The following PPP1R13L variants were observed in gnomAD, a reference collection of about 807,000 sequenced individuals.
PPP1R13L encodes the protein relA-associated inhibitor.
PPP1R13L carries 50 observed loss-of-function variants against 80.9 expected under a neutral mutation model. That is an observed-to-expected ratio of 0.62 (90% CI 0.49 to 0.78). The LOEUF is 0.78. Among genes scored for constraint, PPP1R13L ranks in the 30% least tolerant of loss-of-function variants. The probability of loss-of-function intolerance (pLI) is 0.00; values close to 1 mark genes in which losing one functional copy is unlikely to be tolerated. For synonymous variants in PPP1R13L, 602 were observed against 534.3 expected (o/e 1.13, Z -1.75); for missense variants, 1,200 against 1,205.9 (o/e 1.00, Z 0.07).
intron 8 of PPP1R13L, among the ~76,000 whole-genome samples, chr19:45,390,706 C>G (rs34874742): frequency 0.015 from 2,284 of 152,176 alleles, 61 homozygotes; most frequent in African/African-American, 0.052. Context: ...GTCTGTGGCT[C>G]GTCCTGCTAC....
In PPP1R13L at chr19:45,398,028, G is replaced by T; in HGVS notation, c.175C>A (p.Pro59Thr). 6.2e-7 allele frequency: 1 copy of T among 1,613,488 alleles called. No individual in the cohort carries two copies. Among genetic ancestry groups the T allele is most frequent in the Non-Finnish European group, 8.5e-7 (1 of 1,179,528 alleles). Reference protein sequence around the residue: ...LWSDSPAPPGPQAGPPSRPPR... With the variant: ...LWSDSPAPPGTQAGPPSRPPR... ...ACCCTAGAAGGGGGTCCGGCCTGCG[G>T]GCCAGGAGGCGCGGGAGAGTCTGAC... Residue 59 changes from proline (P) to threonine (T), a missense_variant, in exon 3 of 13, where the codon CCG (proline) becomes ACG (threonine). Physicochemically the swap from Pro to Thr is conservative, Grantham distance 38. Coordinates refer to ENST00000360957, the MANE Select transcript of PPP1R13L (RefSeq NM_006663.4).
In PPP1R13L at chr19:45,380,040, G is replaced by A; in HGVS notation, c.*150C>T. 1.2e-6 allele frequency: 1 copy of A among 857,226 alleles called. No individual in the cohort carries two copies. The highest frequency in any genetic ancestry group is 1.7e-5 in the South Asian group (1 of 59,632). 53.1% of individuals were successfully genotyped at this position (857,226 alleles called of 1,614,324 possible). ...AAGGCTGGGGCCCTCCTTCTTCCCTGGACTTCCAGGAGAACAGAGAACCGG... is the reference window on the plus strand; with the variant it reads ...AAGGCTGGGGCCCTCCTTCTTCCCTAGACTTCCAGGAGAACAGAGAACCGG... On this transcript the variant is annotated 3_prime_UTR_variant, in exon 13 of 13. Coordinates refer to ENST00000360957, the MANE Select transcript of PPP1R13L (RefSeq NM_006663.4).
At chr19:45,394,711 G>C (rs1267373530) in intron 7 of PPP1R13L, 1 of 148,742 alleles carries the variant, frequency 6.7e-6, no homozygotes, top group Non-Finnish European at 1.5e-5. Flanking sequence ...GACCTCAAGT[G>C]ATCTGCCCAC....
intron 1 of PPP1R13L, among the ~76,000 whole-genome samples, chr19:45,403,319 A>T (rs536758863): frequency 6.6e-6 from 1 of 152,200 alleles, no homozygotes; most frequent in African/African-American, 2.4e-5. Context: ...TTCCCCTAAA[A>T]GGGCCCTTTC....
chr19:45,385,414 G>T (rs138281466), intron 11 of PPP1R13L, 148 bp downstream of exon 11: 3 of 956,096 alleles, frequency 3.1e-6, no homozygotes, highest in African/African-American at 3.3e-5. Context: ...CCCCGCAAGC[G>T]GTCCATCCCT....
chr19:45,396,065 G>A lies in PPP1R13L; in HGVS notation c.903+103C>T. 8.7e-6 allele frequency: 12 copies of A among 1,382,782 alleles called. No individual in the cohort carries two copies. The highest frequency in any genetic ancestry group is 1.3e-5 in the South Asian group (1 of 76,046). 85.7% of individuals were successfully genotyped at this position (1,382,782 alleles called of 1,614,324 possible). A position where few individuals can be genotyped will look rare whatever the true frequency, so the allele number is the denominator to read the frequency against. On this transcript the variant is annotated intron_variant, in intron 6 of 12. Transcript: ENST00000360957. The surrounding 1 kb of genome is among the most constrained non-coding windows in gnomAD (Gnocchi z 5.3). Reference sequence around the variant, plus strand: ...GGGAGAGCGTGGGAACGGGCGCCGAGACCCAGATCGCAGCCCCGAGGGGGA... The same window carrying A: ...GGGAGAGCGTGGGAACGGGCGCCGAAACCCAGATCGCAGCCCCGAGGGGGA...
At chr19:45,393,399 T>C (rs923834883) in intron 7 of PPP1R13L, among the ~76,000 whole-genome samples, 15 of 151,062 alleles carry the variant, frequency 9.9e-5, no homozygotes, top group African/African-American at 3.7e-4. Flanking sequence ...GAGACCAGCC[T>C]GGCCAACATG....
At chr19:45,401,571 G>GT (rs1346149206) in intron 1 of PPP1R13L, among the ~76,000 whole-genome samples, 3 of 152,216 alleles carry the variant, frequency 2.0e-5, no homozygotes, top group African/African-American at 7.2e-5. Flanking sequence ...CCTTAGGACT[G>GT]TAACTAAAGT....
At position 45,393,726 on chromosome 19, in the gene PPP1R13L, AG is replaced by A. The variant is rs1973025589; in HGVS notation, c.1355-1387del. 2.6e-5 allele frequency among the ~76,000 whole-genome samples: 4 copies of A among 152,030 alleles called. No individual in the cohort carries two copies. In the South Asian group the frequency reaches 8.3e-4, roughly 32 times the overall value. ...CGTCTCTACTAAAAATACAAAAATT[AG>A]CTGGGGGTGGTGGTGGGCGCCTGTA... On this transcript the variant is annotated intron_variant, in intron 7 of 12. Coordinates refer to ENST00000360957, the MANE Select transcript of PPP1R13L (RefSeq NM_006663.4).
chr19:45,385,593 C>T lies in PPP1R13L; in HGVS notation c.2217G>A (p.Glu739=). 6.2e-7 allele frequency: 1 copy of T among 1,613,074 alleles called. No homozygotes were observed. Among genetic ancestry groups the T allele is most frequent in the East Asian group, 2.2e-5 (1 of 44,882 alleles). The change falls in exon 11 of 13, where the codon GAG becomes GAA. Residue 739 remains glutamate, a synonymous_variant. Coordinates refer to ENST00000360957, the MANE Select transcript of PPP1R13L (RefSeq NM_006663.4). ...TAFEKCDPYR[E]GYADCATYLA... ...GGTAGGTGGCGCAGTCAGCATAACCCTCGCGGTAAGGGTCGCACTTCTCGA... is the reference window on the plus strand; with the variant it reads ...GGTAGGTGGCGCAGTCAGCATAACCTTCGCGGTAAGGGTCGCACTTCTCGA...
intron 1 of PPP1R13L, 91 bp from the exon 2 acceptor site, chr19:45,398,430 G>C (rs1347154546): frequency 1.6e-6 from 2 of 1,264,196 alleles, no homozygotes; most frequent in Non-Finnish European, 2.2e-6. Context: ...GCGGGACAAC[G>C]CCTCAACTCA....
rs777242629 is a variant in PPP1R13L at position 45,396,894 on chromosome 19, C to T, written c.363G>A (p.Pro121=). 2.6e-6 allele frequency: 4 copies of T among 1,516,540 alleles called. No homozygotes were observed. The highest frequency in any genetic ancestry group is 2.1e-5 in the Admixed American group (1 of 46,718). 93.9% of individuals were successfully genotyped at this position (1,516,540 alleles called of 1,614,324 possible). A position where few individuals can be genotyped will look rare whatever the true frequency, so the allele number is the denominator to read the frequency against. Residue 121 remains proline, a synonymous_variant, in exon 4 of 13, where the codon CCG becomes CCA. Transcript: ENST00000360957. This position sits in a 1 kb window ranked among gnomAD's most constrained non-coding sequence, Gnocchi z 5.3. ...PLSPKGRPSS[P]RTPLYLQPDA... ...CCGGCTGCAGGTAGAGCGGGGTGCG[C>T]GGCGACGACGGCCGTCCCTTGGGGG...
At chr19:45,403,840 C>T in intron 1 of PPP1R13L, among the ~76,000 whole-genome samples, 1 of 152,078 alleles carries the variant, frequency 6.6e-6, no homozygotes, top group East Asian at 1.9e-4. Context: ...CTTCTTAGGA[C>T]GCATGGGGGT....
intron 11 of PPP1R13L, 44 bp from the exon 12 acceptor site, chr19:45,382,770 G>A (rs768398419): frequency 1.2e-6 from 2 of 1,605,372 alleles, no homozygotes; most frequent in Admixed American, 3.3e-5. Flanking sequence ...TGGCCCAGGG[G>A]GTCCAGGAAC....
chr19:45,400,155 A>G (rs533774692), intron 1 of PPP1R13L, among the ~76,000 whole-genome samples: 9 of 152,104 alleles, frequency 5.9e-5, no homozygotes, highest in African/African-American at 2.2e-4. Flanking sequence ...CTACCAGATT[A>G]GAGGGGTCCT....
At chr19:45,405,144 A>T, upstream of PPP1R13L, 1 of 681,622 alleles carries the variant, frequency 1.5e-6, no homozygotes, top group East Asian at 1.4e-4. Flanking sequence ...GGGGAGGGGG[A>T]GCCAAGGTCG....
At position 45,404,559 on chromosome 19, in the gene PPP1R13L, C is replaced by A. The variant is rs140037956; in HGVS notation, c.-22+440G>T. Among the ~76,000 whole-genome samples, 148 of 152,300 alleles carry A rather than the reference C, an allele frequency of 9.7e-4. 1 individual carries two copies. The highest frequency in any genetic ancestry group is 3.4e-3 in the African/African-American group (142 of 41,564). ...GGAACCCAGGCTCCACTATCCCTGC[C>A]CCACCCTTAATTCTGCTCAGAGACC... On this transcript the variant is annotated intron_variant, in intron 1 of 12. Transcript: ENST00000360957.
At chr19:45,401,326 G>A (rs1346183461) in intron 1 of PPP1R13L, among the ~76,000 whole-genome samples, 1 of 145,198 alleles carries the variant, frequency 6.9e-6, no homozygotes, top group Non-Finnish European at 1.5e-5. Flanking sequence ...CTGCACTCCA[G>A]CCTCGGAGAC....
At position 45,396,152 on chromosome 19, in the gene PPP1R13L, G is replaced by A; in HGVS notation, c.903+16C>T. 6.3e-7 allele frequency: 1 copy of A among 1,592,042 alleles called. No individual in the cohort carries two copies. Among genetic ancestry groups the A allele is most frequent in the Non-Finnish European group, 8.5e-7 (1 of 1,170,772 alleles). On this transcript the variant is annotated intron_variant, in intron 6 of 12. Coordinates refer to ENST00000360957, the MANE Select transcript of PPP1R13L (RefSeq NM_006663.4). This position sits in a 1 kb window ranked among gnomAD's most constrained non-coding sequence, Gnocchi z 5.3. The stretch of plus-strand genomic sequence containing the variant: ...GACCTTCCCCAGCCTCTCCTCCCCA[G>A]GCGTCGCCTCCTCACCTTGCCGGTG...
Sources: allele counts gnomAD v4.1 joint callset (sites outside exome capture counted in the v4.1 genomes callset), GRCh38; gene constraint gnomAD v4.1.1; non-coding constraint Gnocchi (gnomAD v3.1); transcripts MANE v1.5; gene names NCBI Gene and HGNC (gene_info 2026-07-23, HGNC 2026-07-21).